The following GDF11 variants were observed in gnomAD, a reference collection of about 807,000 sequenced individuals.
The protein encoded by GDF11 is growth/differentiation factor 11.
In GDF11, 12 loss-of-function variants were observed where a neutral mutation model predicts 34.4. The ratio of observed to expected loss-of-function variants is 0.35; its 90% confidence interval spans 0.22 to 0.57. GDF11 has a LOEUF of 0.57. Among genes scored for constraint, GDF11 ranks in the 20% least tolerant of loss-of-function variants. The probability of loss-of-function intolerance (pLI) is 0.86; values close to 1 mark genes in which losing one functional copy is unlikely to be tolerated. For missense variants in GDF11, 346 were observed against 548.2 expected, an observed-to-expected ratio of 0.63 and a Z score of 3.68; for synonymous variants, 212 against 231.1, an observed-to-expected ratio of 0.92 and a Z score of 0.75.
rs1373787838 is a variant in GDF11 at position 55,752,029 on chromosome 12, T to C, written c.*2147T>C. On this transcript the variant is annotated 3_prime_UTR_variant, in exon 3 of 3. Coordinates refer to ENST00000257868, the MANE Select transcript of GDF11 (RefSeq NM_005811.5). ...CTTTCAGTAGAGGAATGGGCAGGGC[T>C]GTTAGGCTCTTCAGCTTGCCTTCAC... The C allele has an allele frequency of 6.6e-6, 1 of 152,234 alleles. No individual in the cohort carries two copies. Among genetic ancestry groups the C allele is most frequent in the African/African-American group, 2.4e-5 (1 of 41,440 alleles). 9.4% of individuals were successfully genotyped at this position (152,234 alleles called of 1,614,324 possible).
intron 1 of GDF11, among the ~76,000 whole-genome samples, chr12:55,746,577 G>A (rs987909447): frequency 2.0e-5 from 3 of 152,162 alleles, no homozygotes; most frequent in Non-Finnish European, 4.4e-5. Context: ...TGTCCACTGG[G>A]ACAAGTATGT....
Position 55,749,621 on chromosome 12 carries a change from C to T in GDF11, c.963C>T (p.Asp321=). 1 of 1,614,186 alleles carries T rather than the reference C, an allele frequency of 6.2e-7. No individual in the cohort carries two copies. ...GCTGCCGATATCCCCTCACAGTGGA[C>T]TTTGAGGCTTTCGGCTGGGACTGGA... ...SRCCRYPLTV[D]FEAFGWDWII... Residue 321 remains aspartate, a synonymous_variant, in exon 3 of 3, where the codon GAC becomes GAT. Transcript: ENST00000257868. This position sits in a 1 kb window ranked among gnomAD's most constrained non-coding sequence, Gnocchi z 5.6.
Position 55,756,685 on chromosome 12 carries a change from A to ACT in GDF11, c.*6803_*6804insCT, listed in dbSNP as rs1342506323. 6.6e-6 allele frequency: 1 copy of ACT among 152,264 alleles called. No homozygotes were observed. The highest frequency in any genetic ancestry group is 2.4e-5 in the African/African-American group (1 of 41,476). The allele number at this position is 152,264 out of a possible 1,614,324, so 9.4% of individuals were successfully genotyped here. A position where few individuals can be genotyped will look rare whatever the true frequency, so the allele number is the denominator to read the frequency against. On this transcript the variant is annotated 3_prime_UTR_variant, in exon 3 of 3. Coordinates refer to ENST00000257868, the MANE Select transcript of GDF11 (RefSeq NM_005811.5). ...AGATCTACATGAACTTGAAGCCTCCAGTTCCACTGCTTATGTTCCCAATGA... is the reference window on the plus strand; with the variant it reads ...AGATCTACATGAACTTGAAGCCTCCACTGTTCCACTGCTTATGTTCCCAATGA...
intron 1 of GDF11, among the ~76,000 whole-genome samples, chr12:55,745,170 A>G (rs1878154205): frequency 6.6e-6 from 1 of 152,072 alleles, no homozygotes; most frequent in African/African-American, 2.4e-5. Context: ...TCTAGGAAAC[A>G]GAGTTATAGA....
Position 55,750,050 on chromosome 12 carries a change from T to C in GDF11, c.*168T>C, listed in dbSNP as rs1592545821. 1 of 640,694 alleles carries C rather than the reference T, an allele frequency of 1.6e-6. No homozygotes were observed. The highest frequency in any genetic ancestry group is 3.0e-5 in the Admixed American group (1 of 33,598). 39.7% of individuals were successfully genotyped at this position (640,694 alleles called of 1,614,324 possible). Reference sequence around the variant, plus strand: ...GAGGGAGGCAGGTGGGAATTGAGGGTGAGGGGTTTGGGGGAAAGGGGAAGC... The same window carrying C: ...GAGGGAGGCAGGTGGGAATTGAGGGCGAGGGGTTTGGGGGAAAGGGGAAGC... On this transcript the variant is annotated 3_prime_UTR_variant, in exon 3 of 3. Coordinates refer to ENST00000257868, the MANE Select transcript of GDF11 (RefSeq NM_005811.5).
rs1463767206 is a variant in GDF11 at position 55,745,995 on chromosome 12, TG to T, written c.445+2240del. 2.7e-5 allele frequency among the ~76,000 whole-genome samples: 3 copies of T among 112,350 alleles called. No individual in the cohort carries two copies. In the South Asian group the frequency reaches 9.7e-4, roughly 36 times the overall value. 73.7% of individuals were successfully genotyped at this position (112,350 alleles called of 152,430 possible). On this transcript the variant is annotated intron_variant, in intron 1 of 2. Transcript: ENST00000257868. ...GTGTGTGTGTTTGGGGGGGTTAGGG[TG>T]GGGGGAAGGGGAGGTGGTGTGCAGG...
Position 55,756,977 on chromosome 12 carries a change from A to G in GDF11, c.*7095A>G, listed in dbSNP as rs1878524416. 1 of 152,224 alleles carries G rather than the reference A, an allele frequency of 6.6e-6. No homozygotes were observed. 9.4% of individuals were successfully genotyped at this position (152,224 alleles called of 1,614,324 possible). The stretch of plus-strand genomic sequence containing the variant: ...CTGCCCTTGTATTTATATCCTTTGC[A>G]ACACCTAAAACCTCCCATGTTCTGT... On this transcript the variant is annotated 3_prime_UTR_variant, in exon 3 of 3. Coordinates refer to ENST00000257868, the MANE Select transcript of GDF11 (RefSeq NM_005811.5).
Position 55,757,147 on chromosome 12 carries a change from G to A in GDF11, c.*7265G>A, listed in dbSNP as rs561806152. The A allele has an allele frequency of 1.2e-5, 2 of 162,544 alleles. No individual in the cohort carries two copies. The highest frequency in any genetic ancestry group is 6.3e-5 in the Admixed American group (1 of 15,918). 10.1% of individuals were successfully genotyped at this position (162,544 alleles called of 1,614,324 possible). A position where few individuals can be genotyped will look rare whatever the true frequency, so the allele number is the denominator to read the frequency against. The stretch of plus-strand genomic sequence containing the variant: ...AAGGGTAAACTCAGTCCTTTTCCTT[G>A]TCTTCTCTTCTAAGGGATAAAGGTA... On this transcript the variant is annotated 3_prime_UTR_variant, in exon 3 of 3. Coordinates refer to ENST00000257868, the MANE Select transcript of GDF11 (RefSeq NM_005811.5).
In GDF11 at chr12:55,748,898, G is replaced by A. The variant is rs1878242621; in HGVS notation, c.758G>A (p.Ser253Asn). The A allele has an allele frequency of 6.2e-7, 1 of 1,609,650 alleles. No homozygotes were observed. Among genetic ancestry groups the A allele is most frequent in the Non-Finnish European group, 8.5e-7 (1 of 1,179,896 alleles). ...VLHSWFRQPQ[S>N]NWGIEINAFD... Reference sequence around the variant, plus strand: ...CACAGCTGGTTCCGCCAGCCACAGAGCAACTGGGGCATCGAGATCAACGCC... The same window carrying A: ...CACAGCTGGTTCCGCCAGCCACAGAACAACTGGGGCATCGAGATCAACGCC... Residue 253 changes from serine to asparagine, a missense_variant, in exon 2 of 3, where the codon AGC (serine) becomes AAC (asparagine). Transcript: ENST00000257868. The surrounding 1 kb of genome is among the most constrained non-coding windows in gnomAD (Gnocchi z 5.6).
rs747162441 is a variant in GDF11, at chr12:55,749,567, C to A, written c.909C>A (p.Asp303Glu). The A allele has an allele frequency of 1.2e-6, 2 of 1,614,062 alleles. No homozygotes were observed. The highest frequency in any genetic ancestry group is 1.7e-6 in the Non-Finnish European group (2 of 1,179,956). Residue 303 changes from aspartate to glutamate, a missense_variant, in exon 3 of 3, where the codon GAC (aspartate) becomes GAA (glutamate). Asp to Glu is a conservative substitution (Grantham distance 45). Around this residue, in one of 3 missense-constraint regions of GDF11, gnomAD observed 205 missense variants for 311.3 expected, o/e 0.66. Transcript: ENST00000257868. The surrounding 1 kb of genome is among the most constrained non-coding windows in gnomAD (Gnocchi z 5.6). ...TKRSRRNLGL[D>E]CDEHSSESRC... The stretch of plus-strand genomic sequence containing the variant: ...GTTCCCGGCGGAACCTGGGTCTGGA[C>A]TGCGACGAGCACTCAAGCGAGTCCC...
rs116773427 is a variant in GDF11, at chr12:55,753,329, C to A, written c.*3447C>A. The A allele has an allele frequency of 1.3e-5, 2 of 152,306 alleles. No homozygotes were observed. The highest frequency in any genetic ancestry group is 4.8e-5 in the African/African-American group (2 of 41,558). 9.4% of individuals were successfully genotyped at this position (152,306 alleles called of 1,614,324 possible). The stretch of plus-strand genomic sequence containing the variant: ...TAAACCAACATAGCCAACGAACTTG[C>A]CTTGTTACACAAGAGTGGCTAAAAT... On this transcript the variant is annotated 3_prime_UTR_variant, in exon 3 of 3. Transcript: ENST00000257868.
rs781608209 is a variant in GDF11 at position 55,748,612 on chromosome 12, A to G, written c.472A>G (p.Ser158Gly). 4 of 1,613,768 alleles carry G rather than the reference A, an allele frequency of 2.5e-6. No homozygotes were observed. Among genetic ancestry groups the G allele is most frequent in the East Asian group, 4.5e-5 (2 of 44,880 alleles). The change falls in exon 2 of 3, where the codon AGC (serine) becomes GGC (glycine). Residue 158 changes from serine to glycine, a missense_variant. Physicochemically the swap from Ser to Gly is moderately conservative, Grantham distance 56. This residue lies in a region of GDF11 where 141 missense variants were observed against 213.8 expected (regional missense o/e 0.66). Coordinates refer to ENST00000257868, the MANE Select transcript of GDF11 (RefSeq NM_005811.5). This position sits in a 1 kb window ranked among gnomAD's most constrained non-coding sequence, Gnocchi z 5.6. ...GGACCCAGCAGTACAGACAGATGGC[A>G]GCCCTCTCTGCTGCCATTTTCACTT... ...ETDPAVQTDG[S>G]PLCCHFHFSP...
intron 1 of GDF11, among the ~76,000 whole-genome samples, chr12:55,746,999 C>T (rs545989721): frequency 6.6e-6 from 1 of 152,186 alleles, no homozygotes; most frequent in African/African-American, 2.4e-5. Flanking sequence ...GGCACTGAAG[C>T]TACAATGGTG....
Position 55,743,682 on chromosome 12 carries a change from C to G in GDF11, c.366C>G (p.Asp122Glu). The G allele has an allele frequency of 6.2e-7, 1 of 1,602,874 alleles. No homozygotes were observed. Among genetic ancestry groups the G allele is most frequent in the Non-Finnish European group, 8.5e-7 (1 of 1,179,576 alleles). The change falls in exon 1 of 3, where the codon GAC becomes GAG. Residue 122 changes from aspartate to glutamate, a missense_variant. Physicochemically the swap from Asp to Glu is conservative, Grantham distance 45. Coordinates refer to ENST00000257868, the MANE Select transcript of GDF11 (RefSeq NM_005811.5). ...QILDLHDFQG[D>E]ALQPEDFLEE... ...TGGACCTACACGACTTCCAGGGCGA[C>G]GCGCTGCAGCCCGAGGACTTCCTGG... is the stretch of plus-strand genomic sequence containing the variant.
At chr12:55,746,372 C>T (rs1474856248) in intron 1 of GDF11, among the ~76,000 whole-genome samples, 1 of 152,214 alleles carries the variant, frequency 6.6e-6, no homozygotes, top group Non-Finnish European at 1.5e-5. Flanking sequence ...AACTTATTCT[C>T]CCTTTGCCAT....
rs1878233877 is a variant in GDF11 at position 55,748,618 on chromosome 12, C to G, written c.478C>G (p.Leu160Val). The change falls in exon 2 of 3, where the codon CTC becomes GTC. Residue 160 changes from leucine to valine, a missense_variant. Leu to Val is a conservative substitution (Grantham distance 32). Coordinates refer to ENST00000257868, the MANE Select transcript of GDF11 (RefSeq NM_005811.5). This position sits in a 1 kb window ranked among gnomAD's most constrained non-coding sequence, Gnocchi z 5.6. ...AGCAGTACAGACAGATGGCAGCCCT[C>G]TCTGCTGCCATTTTCACTTCAGCCC... ...DPAVQTDGSP[L>V]CCHFHFSPKV... 6.2e-7 allele frequency: 1 copy of G among 1,613,704 alleles called. No individual in the cohort carries two copies. Among genetic ancestry groups the G allele is most frequent in the East Asian group, 2.2e-5 (1 of 44,884 alleles).
rs1298694052 is a variant in GDF11, at chr12:55,749,783, C to T, written c.1125C>T (p.Thr375=). ...RGSAGPCCTP[T]KMSPINMLYF... is the part of the protein sequence containing the mutation. ...CTGCTGGGCCCTGTTGTACCCCCAC[C>T]AAGATGTCCCCAATCAACATGCTCT... Residue 375 remains threonine (T), a synonymous_variant, in exon 3 of 3, where the codon ACC becomes ACT. Coordinates refer to ENST00000257868, the MANE Select transcript of GDF11 (RefSeq NM_005811.5). The surrounding 1 kb of genome is among the most constrained non-coding windows in gnomAD (Gnocchi z 5.6). 6 of 1,614,020 alleles carry T rather than the reference C, an allele frequency of 3.7e-6. 1 individual carries two copies. In the South Asian group the frequency reaches 6.6e-5, roughly 18 times the overall value.
Position 55,749,481 on chromosome 12 carries a change from TCC to T in GDF11, c.844-18_844-17del. 6.3e-7 allele frequency: 1 copy of T among 1,589,092 alleles called. No individual in the cohort carries two copies. Among genetic ancestry groups the T allele is most frequent in the Non-Finnish European group, 8.6e-7 (1 of 1,164,762 alleles). On this transcript the variant is annotated intron_variant, in intron 2 of 2. Transcript: ENST00000257868. This position sits in a 1 kb window ranked among gnomAD's most constrained non-coding sequence, Gnocchi z 5.6. ...TGTTCAGGACCATATCACATTTCTT[TCC>T]CCTCTCCCTGACCCTCAGCATCCAT...
In GDF11 at chr12:55,745,983, G is replaced by C. The variant is rs3782241; in HGVS notation, c.445+2222G>C. Among the ~76,000 whole-genome samples, 1,460 of 152,088 alleles carry C rather than the reference G, an allele frequency of 9.6e-3. 25 individuals carry two copies. Among genetic ancestry groups the C allele is most frequent in the African/African-American group, 0.032 (1,329 of 41,450 alleles). On this transcript the variant is annotated intron_variant, in intron 1 of 2. Transcript: ENST00000257868. ...CCATGGTTGGGAGTGTGTGTGTTTG[G>C]GGGGGTTAGGGTGGGGGGAAGGGGA...
Sources: gnomAD v4.1 joint callset for allele counts (sites outside exome capture counted in the v4.1 genomes callset) on GRCh38, gnomAD v4.1.1 for gene constraint, gnomAD v4.1.1 regional missense constraint, Gnocchi (gnomAD v3.1) non-coding constraint, MANE v1.5 for transcripts, NCBI Gene and HGNC (gene_info 2026-07-23, HGNC 2026-07-21) for gene names.